Variants in RASA1 observed in about 807,000 individuals in gnomAD.
The protein encoded by RASA1 is ras GTPase-activating protein 1.
In RASA1, 25 loss-of-function variants were observed where a neutral mutation model predicts 132.2. That is an observed-to-expected ratio of 0.19 (90% CI 0.14 to 0.26). RASA1 has a LOEUF of 0.26. RASA1 is among the 10% of genes least tolerant of loss of function. RASA1 has a pLI of 1.00. For missense variants in RASA1, 964 were observed against 1,299.2 expected (o/e 0.74, Z 3.97); for synonymous variants, 477 against 449.9 (o/e 1.06, Z -0.76).
At chr5:87,341,078 A>G (rs983167723) in intron 5 of RASA1, among the ~76,000 whole-genome samples, 1 of 152,076 alleles carries the variant, frequency 6.6e-6, no homozygotes, top group Non-Finnish European at 1.5e-5. Context: ...GTTTAAGAAA[A>G]GTCGATAAGA....
chr5:87,285,233 A>G (rs577525098), intron 1 of RASA1, among the ~76,000 whole-genome samples: 8 of 151,662 alleles, frequency 5.3e-5, no homozygotes, highest in Non-Finnish European at 1.2e-4. Context: ...ACGCCCAGCT[A>G]ATTTTTATAT....
At chr5:87,371,588 C>T (rs887284323) in intron 12 of RASA1, among the ~76,000 whole-genome samples, 41 of 151,990 alleles carry the variant, frequency 2.7e-4, no homozygotes, top group African/African-American at 9.4e-4. Context: ...ATTTGAGAAG[C>T]TTAAAAATAA....
chr5:87,381,609 T>C (rs527676145), intron 20 of RASA1, among the ~76,000 whole-genome samples: 1 of 152,306 alleles, frequency 6.6e-6, no homozygotes, highest in East Asian at 1.9e-4. Context: ...GTAATATTTC[T>C]CTTGGTTATG....
chr5:87,374,491 CTTTA>C (rs1761183739), intron 14 of RASA1, among the ~76,000 whole-genome samples, 171 bp downstream of exon 14: 1 of 134,394 alleles, frequency 7.4e-6, no homozygotes, highest in Non-Finnish European at 1.6e-5. Flanking sequence ...GTTTGTTCAC[CTTTA>C]TTTGTGAAGT....
intron 1 of RASA1, among the ~76,000 whole-genome samples, chr5:87,288,363 A>T (rs1027279454): frequency 1.3e-5 from 2 of 152,012 alleles, no homozygotes; most frequent in African/African-American, 4.8e-5. Context: ...CTTCTCAAAC[A>T]GTGGCAGCAA....
chr5:87,390,420 TCCCCGCCCCTCC>T (rs1762416641), intron 24 of RASA1, among the ~76,000 whole-genome samples: 1 of 151,874 alleles, frequency 6.6e-6, no homozygotes, highest in African/African-American at 2.4e-5. Context: ...GTCCTGTTTC[TCCCCGCCCCTCC>T]CCCCGCAGCT....
chr5:87,338,536 A>ATTTTTTT lies in RASA1; in HGVS notation c.1017+453_1017+459dup, dbSNP rs1232583853. 3.5e-4 allele frequency among the ~76,000 whole-genome samples: 30 copies of ATTTTTTT among 85,216 alleles called. 1 individual carries two copies. Among genetic ancestry groups the ATTTTTTT allele is most frequent in the African/African-American group, 9.3e-4 (21 of 22,624 alleles). The allele number at this position is 85,216 out of a possible 152,430, so 55.9% of individuals were successfully genotyped here. On this transcript the variant is annotated intron_variant, in intron 5 of 24. Coordinates refer to ENST00000274376, the MANE Select transcript of RASA1 (RefSeq NM_002890.3). ...ATATATATATATATATATATATAAA[A>ATTTTTTT]TTTTTTTTTTTTTTAAGTAGAAATG...
rs555929379 is a variant in RASA1, at chr5:87,342,223, G to A, written c.1049+902G>A. ...TGCCCAGGCTGGAGTGCAATGGCACGATCTCTGCTCACTGCAACCCCTGCC... is the reference window on the plus strand; with the variant it reads ...TGCCCAGGCTGGAGTGCAATGGCACAATCTCTGCTCACTGCAACCCCTGCC... On this transcript the variant is annotated intron_variant, in intron 6 of 24. Coordinates refer to ENST00000274376, the MANE Select transcript of RASA1 (RefSeq NM_002890.3). 7.3e-5 allele frequency among the ~76,000 whole-genome samples: 11 copies of A among 149,868 alleles called. No homozygotes were observed. The South Asian group carries it at 1.3e-3, about 17-fold the overall frequency.
rs550497410 is a variant in RASA1 at position 87,359,330 on chromosome 5, A to G, written c.1333-3221A>G. Among the ~76,000 whole-genome samples the G allele has an allele frequency of 3.3e-5, 5 of 152,296 alleles. No individual in the cohort carries two copies. The South Asian group carries it at 1.0e-3, about 32-fold the overall frequency. On this transcript the variant is annotated intron_variant, in intron 9 of 24. Coordinates refer to ENST00000274376, the MANE Select transcript of RASA1 (RefSeq NM_002890.3). ...ATTTCCCTTGGGAGGAATGTAAAAA[A>G]TCTAAGAACTATCTCTCAGGCTGAG...
At chr5:87,326,002 C>G (rs1269416229) in intron 1 of RASA1, among the ~76,000 whole-genome samples, 1 of 152,048 alleles carries the variant, frequency 6.6e-6, no homozygotes, top group Non-Finnish European at 1.5e-5. Flanking sequence ...GACAGGGTCT[C>G]TCTCTGTTGC....
In RASA1 at chr5:87,268,692, C is replaced by T. The variant is rs773960170; in HGVS notation, c.241C>T (p.Leu81=). 1 of 1,611,566 alleles carries T rather than the reference C, an allele frequency of 6.2e-7. No individual in the cohort carries two copies. ...AGGAGCCGGGTCTGTGGCAGGGGCA[C>T]TGGGGGGAGCTGGACTGACAGGGGG... ...FLGAGSVAGA[L]GGAGLTGGGT... is the part of the protein sequence containing the mutation. The change falls in exon 1 of 25, where the codon CTG becomes TTG. Residue 81 remains leucine (L), a synonymous_variant. Coordinates refer to ENST00000274376, the MANE Select transcript of RASA1 (RefSeq NM_002890.3).
intron 10 of RASA1, 71 bp from the exon 11 acceptor site, chr5:87,363,275 AAC>A (rs1467717150): frequency 6.8e-6 from 9 of 1,320,362 alleles, no homozygotes; most frequent in South Asian, 2.5e-5. Flanking sequence ...TATTTTTAGA[AAC>A]ACTAATTTTA....
intron 11 of RASA1, chr5:87,366,631 A>C (rs1760539757): frequency 6.3e-6 from 1 of 159,584 alleles, no homozygotes; most frequent in Admixed American, 6.2e-5. Flanking sequence ...AAGACATTAG[A>C]AAAAGTCTTT....
At position 87,356,744 on chromosome 5, in the gene RASA1, TTAG is replaced by T. The variant is rs555260514; in HGVS notation, c.1332+3513_1332+3515del. ...TGTTAGACATAATGCTATTACACACTTAGTAGACTACAGTATAGTTGTAAACAT... is the reference window on the plus strand; with the variant it reads ...TGTTAGACATAATGCTATTACACACTTAGACTACAGTATAGTTGTAAACAT... On this transcript the variant is annotated intron_variant, in intron 9 of 24. Transcript: ENST00000274376. Among the ~76,000 whole-genome samples the T allele has an allele frequency of 3.0e-3, 464 of 152,322 alleles. 3 individuals are homozygous for T. The highest frequency in any genetic ancestry group is 0.011 in the African/African-American group (448 of 41,574).
Position 87,309,837 on chromosome 5 carries a change from A to T in RASA1, c.540-21511A>T, listed in dbSNP as rs550420992. On this transcript the variant is annotated intron_variant, in intron 1 of 24. Transcript: ENST00000274376. ...AACATTTAATTTGGCATGGTTTGGG[A>T]TTCTAAGTTGATAACTTTCCAAGCA... Among the ~76,000 whole-genome samples the T allele has an allele frequency of 3.3e-5, 5 of 152,170 alleles. No individual in the cohort carries two copies. In the South Asian group the frequency reaches 1.0e-3, roughly 32 times the overall value.
chr5:87,344,616 G>T (rs990979075), intron 6 of RASA1, among the ~76,000 whole-genome samples: 3 of 151,548 alleles, frequency 2.0e-5, no homozygotes, highest in Non-Finnish European at 4.4e-5. Context: ...TGATCTTCCT[G>T]CCTGAGCCTC....
intron 1 of RASA1, among the ~76,000 whole-genome samples, chr5:87,287,346 AC>A (rs896851999): frequency 3.4e-5 from 5 of 147,504 alleles, no homozygotes; most frequent in African/African-American, 1.3e-4. Context: ...CCATATATAT[AC>A]CATATATACA....
At chr5:87,353,271 T>C in intron 9 of RASA1, 36 bp downstream of exon 9, 1 of 1,511,156 alleles carries the variant, frequency 6.6e-7, no homozygotes, top group Non-Finnish European at 9.2e-7. Context: ...TAATTAGCAT[T>C]TTATTTTAAA....
chr5:87,366,816 A>T (rs948007161), intron 11 of RASA1, among the ~76,000 whole-genome samples: 13 of 152,128 alleles, frequency 8.5e-5, no homozygotes, highest in Admixed American at 6.5e-5. Context: ...CTGATCGCTT[A>T]AGCTCAGGGG....
Sources: gnomAD v4.1 joint callset for allele counts (sites outside exome capture counted in the v4.1 genomes callset) on GRCh38, gnomAD v4.1.1 for gene constraint, MANE v1.5 for transcripts, NCBI Gene and HGNC (gene_info 2026-07-23, HGNC 2026-07-21) for gene names.